Variants in GDF1 observed in about 807,000 individuals in gnomAD.
GDF1 encodes the protein embryonic growth/differentiation factor 1.
In GDF1, 8 loss-of-function variants were observed where a neutral mutation model predicts 7.4. The observed-to-expected ratio is 1.09, with a 90% CI of 0.64 to 1.96. The LOEUF is 1.96. GDF1 is among the 30% of genes most tolerant of loss of function. GDF1 has a pLI of 0.00. For synonymous variants in GDF1, 311 were observed against 276.7 expected, an observed-to-expected ratio of 1.12 and a Z score of -1.23; for missense variants, 574 against 551.5, an observed-to-expected ratio of 1.04 and a Z score of -0.41.
At position 18,890,730 on chromosome 19, in the gene GDF1, G is replaced by C. The variant is rs556249739; in HGVS notation, c.-914+2686C>G. Among the ~76,000 whole-genome samples the C allele has an allele frequency of 1.6e-3, 244 of 150,150 alleles. 2 individuals carry two copies. The highest frequency in any genetic ancestry group is 5.8e-3 in the African/African-American group (236 of 40,834). On this transcript the variant is annotated intron_variant, in intron 2 of 7. Transcript: ENST00000247005. ...CAGGAGGTCCAGGCTGCAGTGAGCTGTGATCGTGCCACTGTACTCCAGCCT... is the reference window on the plus strand; with the variant it reads ...CAGGAGGTCCAGGCTGCAGTGAGCTCTGATCGTGCCACTGTACTCCAGCCT...
rs919007391 is a variant in GDF1, at chr19:18,878,770, C to T, written c.-313+160G>A. 1.2e-5 allele frequency: 17 copies of T among 1,443,510 alleles called. No homozygotes were observed. The African/African-American group carries it at 1.7e-4, about 14-fold the overall frequency. The allele number at this position is 1,443,510 out of a possible 1,614,324, so 89.4% of individuals were successfully genotyped here. On this transcript the variant is annotated intron_variant, in intron 6 of 7. Transcript: ENST00000247005. The surrounding 1 kb of genome is among the most constrained non-coding windows in gnomAD (Gnocchi z 4.6). ...CTGTCCTTCAGGGTACTGGCCACAT[C>T]GTCCACGCCTTTATTGCAGTCTCTG...
In GDF1 at chr19:18,878,803, G is replaced by C. The variant is rs1441819635; in HGVS notation, c.-313+127C>G. On this transcript the variant is annotated intron_variant, in intron 6 of 7. Coordinates refer to ENST00000247005, the MANE Select transcript of GDF1 (RefSeq NM_001492.6). The surrounding 1 kb of genome is among the most constrained non-coding windows in gnomAD (Gnocchi z 4.6). ...CCTTTATTGCAGTCTCTGTTTTGGAGTAGGCTTGGGGGGCAGCATCCGCGT... is the reference window on the plus strand; with the variant it reads ...CCTTTATTGCAGTCTCTGTTTTGGACTAGGCTTGGGGGGCAGCATCCGCGT... 1.4e-6 allele frequency: 2 copies of C among 1,480,794 alleles called. No individual in the cohort carries two copies. The highest frequency in any genetic ancestry group is 4.4e-4 in the Middle Eastern group (2 of 4,582). The allele number at this position is 1,480,794 out of a possible 1,614,324, so 91.7% of individuals were successfully genotyped here. A position where few individuals can be genotyped will look rare whatever the true frequency, so the allele number is the denominator to read the frequency against.
At chr19:18,876,023 A>G (rs1467355518) in intron 6 of GDF1, among the ~76,000 whole-genome samples, 1 of 152,184 alleles carries the variant, frequency 6.6e-6, no homozygotes, top group Non-Finnish European at 1.5e-5. Context: ...TTTGTTATAG[A>G]GTTCCTGGGA....
Position 18,870,097 on chromosome 19 carries a change from G to T in GDF1, c.211C>A (p.Pro71Thr), listed in dbSNP as rs1239116792. The T allele has an allele frequency of 4.4e-6, 7 of 1,573,072 alleles. No individual in the cohort carries two copies. The Admixed American group carries it at 7.2e-5, about 16-fold the overall frequency. The change falls in exon 7 of 8, where the codon CCC (proline) becomes ACC (threonine). Residue 71 changes from proline (P) to threonine (T), a missense_variant. By Grantham distance (38) the Pro-to-Thr change is conservative. Coordinates refer to ENST00000247005, the MANE Select transcript of GDF1 (RefSeq NM_001492.6). This position sits in a 1 kb window ranked among gnomAD's most constrained non-coding sequence, Gnocchi z 5.1. Reference sequence around the variant, plus strand: ...CGCGAGCCAGACCTGGTCTCCTGGGGGTCCCGGCGTCGAAACAGGCGCCAC... The same window carrying T: ...CGCGAGCCAGACCTGGTCTCCTGGGTGTCCCGGCGTCGAAACAGGCGCCAC... Reference protein sequence around the residue: ...VMWRLFRRRDPQETRSGSRRT... With the variant: ...VMWRLFRRRDTQETRSGSRRT...
chr19:18,876,158 G>A (rs564816076), intron 6 of GDF1, among the ~76,000 whole-genome samples: 179 of 151,666 alleles, frequency 1.2e-3, no homozygotes, highest in Admixed American at 2.4e-3. Flanking sequence ...ATAATTTTTC[G>A]TATTTTTAGT....
rs1384540414 is a variant in GDF1, at chr19:18,886,324, C to T, written c.-913-2057G>A. Among the ~76,000 whole-genome samples the T allele has an allele frequency of 3.3e-5, 5 of 152,110 alleles. No homozygotes were observed. In the East Asian group the frequency reaches 7.7e-4, roughly 24 times the overall value. ...CAGCACTTTGGGAGGCCGAGGCGGG[C>T]GGATCACAAGGTCAGGAGATCAAGA... On this transcript the variant is annotated intron_variant, in intron 2 of 7. Transcript: ENST00000247005.
chr19:18,877,989 G>A (rs2056093262), intron 6 of GDF1: 1 of 985,474 alleles, frequency 1.0e-6, no homozygotes, highest in South Asian at 4.7e-5. Context: ...TCCAAACAGG[G>A]TGGGGGGTCT....
intron 6 of GDF1, among the ~76,000 whole-genome samples, chr19:18,876,536 T>TTGTGTGTGTGTGTGTGTGTGTG (rs60266196): frequency 1.3e-4 from 19 of 143,274 alleles, no homozygotes; most frequent in African/African-American, 4.9e-4. Flanking sequence ...TTTGATTGGG[T>TTGTGTGTGTGTGTGTGTGTGTG]TGTGTGTGTG....
At position 18,878,512 on chromosome 19, in the gene GDF1, G is replaced by A. The variant is rs1043528535; in HGVS notation, c.-313+418C>T. The stretch of plus-strand genomic sequence containing the variant: ...CAGATGGAGCCTGGGTTCTCTCTGT[G>A]GCCCTTGGCGTTCCTTCCTCCCCAG... On this transcript the variant is annotated intron_variant, in intron 6 of 7. Transcript: ENST00000247005. The surrounding 1 kb of genome is among the most constrained non-coding windows in gnomAD (Gnocchi z 4.6). The A allele has an allele frequency of 7.9e-6, 8 of 1,012,092 alleles. No individual in the cohort carries two copies. Among genetic ancestry groups the A allele is most frequent in the African/African-American group, 1.7e-5 (1 of 57,862 alleles). The allele number at this position is 1,012,092 out of a possible 1,614,324, so 62.7% of individuals were successfully genotyped here. A position where few individuals can be genotyped will look rare whatever the true frequency, so the allele number is the denominator to read the frequency against.
In GDF1 at chr19:18,896,026, A is replaced by T; in HGVS notation, c.-1276T>A. On this transcript the variant is annotated 5_prime_UTR_variant, in exon 1 of 8. It removes an upstream start codon present in the reference 5' UTR. Coordinates refer to ENST00000247005, the MANE Select transcript of GDF1 (RefSeq NM_001492.6). The surrounding 1 kb of genome is among the most constrained non-coding windows in gnomAD (Gnocchi z 5.9). ...CTGCACTAGCTGCGCGTAGCTCGGC[A>T]TGGGCTCGGGCCCCGTCGGCCCCGC... 1 of 1,001,046 alleles carries T rather than the reference A, an allele frequency of 1.0e-6. No individual in the cohort carries two copies. Among genetic ancestry groups the T allele is most frequent in the Non-Finnish European group, 1.2e-6 (1 of 841,468 alleles). The allele number at this position is 1,001,046 out of a possible 1,614,324, so 62.0% of individuals were successfully genotyped here. A position where few individuals can be genotyped will look rare whatever the true frequency, so the allele number is the denominator to read the frequency against.
At position 18,869,054 on chromosome 19, in the gene GDF1, G is replaced by C; in HGVS notation, c.662C>G (p.Pro221Arg). 9.4e-7 allele frequency: 1 copy of C among 1,063,110 alleles called. No homozygotes were observed. Among genetic ancestry groups the C allele is most frequent in the Non-Finnish European group, 1.1e-6 (1 of 881,174 alleles). The allele number at this position is 1,063,110 out of a possible 1,614,324, so 65.9% of individuals were successfully genotyped here. A position where few individuals can be genotyped will look rare whatever the true frequency, so the allele number is the denominator to read the frequency against. ...GCGCGCGCAGGCGGCAGGGGCCCGG[G>C]GGCGTAGCGCCAGCGCCAGGCGGAG... is the stretch of plus-strand genomic sequence containing the variant. The part of the protein sequence containing the change: ...RSLRLALALR[P>R]RAPAACARLA... Residue 221 changes from proline (P) to arginine (R), a missense_variant, in exon 8 of 8, where the codon CCC becomes CGC. By Grantham distance (103) the Pro-to-Arg change is moderately radical. Coordinates refer to ENST00000247005, the MANE Select transcript of GDF1 (RefSeq NM_001492.6).
At chr19:18,875,013 T>C (rs2056036320) in intron 6 of GDF1, among the ~76,000 whole-genome samples, 1 of 151,404 alleles carries the variant, frequency 6.6e-6, no homozygotes, top group Non-Finnish European at 1.5e-5. Context: ...GGTGGGAGGA[T>C]TGCTTGAGGC....
At chr19:18,881,405 A>C (rs2056204617) in intron 3 of GDF1, among the ~76,000 whole-genome samples, 1 of 151,774 alleles carries the variant, frequency 6.6e-6, no homozygotes, top group Admixed American at 6.6e-5. Context: ...TTTTTAGTAG[A>C]GACGGGGTTT....
intron 2 of GDF1, among the ~76,000 whole-genome samples, chr19:18,885,241 C>A (rs4808871): frequency 0.31 from 46,502 of 151,996 alleles, 8,399 homozygotes; most frequent in Middle Eastern, 0.48. Context: ...TGTTCTGTGG[C>A]CCATGCTGGA....
chr19:18,885,502 C>A (rs1323173217), intron 2 of GDF1, among the ~76,000 whole-genome samples: 1 of 144,214 alleles, frequency 6.9e-6, no homozygotes, highest in Non-Finnish European at 1.5e-5. Flanking sequence ...CAGCCCAGCG[C>A]CCCTTCTCGT....
Position 18,884,279 on chromosome 19 carries a change from C to T in GDF1, c.-913-12G>A. ...GCCCGGCGTCCAGTCTGGGGAGAGC[C>T]AAATCTCACAGTCAGGGCCCTGCGA... On this transcript the variant is annotated splice_polypyrimidine_tract_variant and intron_variant, in intron 2 of 7. Transcript: ENST00000247005. The T allele has an allele frequency of 6.2e-7, 1 of 1,605,682 alleles. No individual in the cohort carries two copies. The highest frequency in any genetic ancestry group is 8.5e-7 in the Non-Finnish European group (1 of 1,177,062).
chr19:18,893,566 T>G lies in GDF1; in HGVS notation c.-1064A>C. ...TCTCTGGGCTGGAGGCAGCACCGCT[T>G]CGCCAGGGGCTATGGGGGAGAAGAC... On this transcript the variant is annotated 5_prime_UTR_variant, in exon 2 of 8. Transcript: ENST00000247005. The G allele has an allele frequency of 1.2e-6, 2 of 1,608,508 alleles. No homozygotes were observed. Among genetic ancestry groups the G allele is most frequent in the Non-Finnish European group, 1.7e-6 (2 of 1,178,170 alleles).
In GDF1 at chr19:18,869,246, G is replaced by A; in HGVS notation, c.470C>T (p.Ala157Val). Residue 157 changes from alanine (A) to valine (V), a missense_variant, in exon 8 of 8, where the codon GCA (alanine) becomes GTA (valine). By Grantham distance (64) the Ala-to-Val change is moderately conservative. Transcript: ENST00000247005. ...CAGCTCCCAGCCGCCCTCCGGGGCT[G>A]CCGCCGCCGCCGCCGCGAAACGCAG... Reference protein sequence around the residue: ...LELRFAAAAAAAPEGGWELSV... With the variant: ...LELRFAAAAAVAPEGGWELSV... 1 of 1,357,534 alleles carries A rather than the reference G, an allele frequency of 7.4e-7. No homozygotes were observed. The highest frequency in any genetic ancestry group is 1.6e-5 in the South Asian group (1 of 62,636). The allele number at this position is 1,357,534 out of a possible 1,614,324, so 84.1% of individuals were successfully genotyped here.
intron 4 of GDF1, among the ~76,000 whole-genome samples, 160 bp downstream of exon 4, chr19:18,880,114 C>T (rs2056165273): frequency 6.6e-6 from 1 of 151,348 alleles, no homozygotes; most frequent in Admixed American, 6.6e-5. Context: ...TAGCCCCGCC[C>T]CTTCAGTCCC....
Sources: allele counts gnomAD v4.1 joint callset (sites outside exome capture counted in the v4.1 genomes callset), GRCh38; gene constraint gnomAD v4.1.1; non-coding constraint Gnocchi (gnomAD v3.1); transcripts MANE v1.5; gene names NCBI Gene and HGNC (gene_info 2026-07-23, HGNC 2026-07-21).